TDRD3: variants seen among roughly 807,000 people sequenced by gnomAD.
TDRD3 encodes tudor domain containing 3.
Under a neutral mutation model 86.7 loss-of-function variants are expected in TDRD3, and 45 were observed. The ratio of observed to expected loss-of-function variants is 0.52; its 90% confidence interval spans 0.41 to 0.67. The LOEUF is 0.67. Ranked by LOEUF, TDRD3 falls within the 30% of genes least tolerant of loss-of-function variation. The pLI, the probability that TDRD3 is intolerant of heterozygous loss-of-function variation, is 0.00. For missense variants in TDRD3, 814 were observed against 889.0 expected (o/e 0.92, Z 1.07); for synonymous variants, 298 against 301.7 (o/e 0.99, Z 0.13).
At chr13:60,530,231 G>A (rs574936615) in intron 11 of TDRD3, among the ~76,000 whole-genome samples, 13 of 152,288 alleles carry the variant, frequency 8.5e-5, no homozygotes, top group African/African-American at 3.1e-4. Flanking sequence ...GTTTCCGTCT[G>A]TAGTCTTGCT....
intron 1 of TDRD3, among the ~76,000 whole-genome samples, chr13:60,413,937 A>G (rs1342211146): frequency 6.6e-6 from 1 of 152,164 alleles, no homozygotes; most frequent in East Asian, 1.9e-4. Context: ...GGAAGAATAG[A>G]AATTTGAGAG....
intron 11 of TDRD3, among the ~76,000 whole-genome samples, chr13:60,532,563 C>A (rs1249436039): frequency 1.3e-5 from 2 of 152,056 alleles, no homozygotes; most frequent in Admixed American, 1.3e-4. Context: ...CATTAAGATA[C>A]CATAATCTTC....
At chr13:60,537,247 CAG>C (rs1957715530) in intron 12 of TDRD3, 1 of 152,128 alleles carries the variant, frequency 6.6e-6, no homozygotes, top group African/African-American at 2.4e-5. Flanking sequence ...GTTACTATAA[CAG>C]ACATCTCTGG....
In TDRD3 at chr13:60,397,318, A is replaced by C. The variant is rs1162407489; in HGVS notation, c.-47A>C. 2.8e-5 allele frequency: 27 copies of C among 959,588 alleles called. No individual in the cohort carries two copies. Among genetic ancestry groups the C allele is most frequent in the Non-Finnish European group, 3.5e-5 (24 of 692,500 alleles). The allele number at this position is 959,588 out of a possible 1,614,324, so 59.4% of individuals were successfully genotyped here. ...GGGGTCTCAAGTAGGAGGCCTCCCC[A>C]TCACCCCCACCCCAGCCCCCCACCA... On this transcript the variant is annotated 5_prime_UTR_variant, in exon 1 of 14. Transcript: ENST00000377881.
chr13:60,511,409 T>TGC lies in TDRD3; in HGVS notation c.1141+654_1141+655insGC, dbSNP rs1288537049. On this transcript the variant is annotated intron_variant, in intron 10 of 13. Coordinates refer to ENST00000377881, the MANE Select transcript of TDRD3 (RefSeq NM_001146070.2). ...TTATAACAAATATGAAATGTTCAGA[T>TGC]TTCATAAAAATTGAAGCATGTTTGC... is the stretch of plus-strand genomic sequence containing the variant. 5.3e-5 allele frequency among the ~76,000 whole-genome samples: 8 copies of TGC among 152,302 alleles called. No individual in the cohort carries two copies. The South Asian group carries it at 1.7e-3, about 32-fold the overall frequency.
chr13:60,542,250 A>C (rs1315736443), intron 12 of TDRD3, among the ~76,000 whole-genome samples: 2 of 152,190 alleles, frequency 1.3e-5, no homozygotes, highest in Non-Finnish European at 2.9e-5. Flanking sequence ...TTTCGCAAAT[A>C]TATGTAGAAG....
chr13:60,511,138 C>T (rs74078476), intron 10 of TDRD3, among the ~76,000 whole-genome samples: 2 of 152,048 alleles, frequency 1.3e-5, no homozygotes, highest in Non-Finnish European at 2.9e-5. Flanking sequence ...AATGTTCACA[C>T]AATGAGTGAA....
At chr13:60,444,591 A>C (rs1039140822) in intron 2 of TDRD3, 92 bp from the exon 3 acceptor site, 2 of 760,794 alleles carry the variant, frequency 2.6e-6, no homozygotes, top group Non-Finnish European at 4.1e-6. Context: ...TTGTTTCACA[A>C]ACCATAAGTA....
intron 8 of TDRD3, among the ~76,000 whole-genome samples, chr13:60,499,827 G>A (rs527993364): frequency 2.0e-5 from 3 of 152,210 alleles, no homozygotes; most frequent in Non-Finnish European, 4.4e-5. Context: ...GGATTTTGGA[G>A]GCAACACATT....
At chr13:60,572,691 G>A (rs922453090) in intron 13 of TDRD3, among the ~76,000 whole-genome samples, 4 of 152,166 alleles carry the variant, frequency 2.6e-5, no homozygotes, top group Non-Finnish European at 1.5e-5. Flanking sequence ...CCAGTTTCAC[G>A]TGTTAGTCAG....
intron 8 of TDRD3, among the ~76,000 whole-genome samples, chr13:60,509,012 TGA>T (rs1436304218): frequency 6.6e-6 from 1 of 152,194 alleles, no homozygotes; most frequent in Non-Finnish European, 1.5e-5. Flanking sequence ...CTCAAAGGTC[TGA>T]GAGAAACCAT....
intron 11 of TDRD3, among the ~76,000 whole-genome samples, chr13:60,533,268 A>C (rs1477151077): frequency 2.0e-5 from 3 of 152,194 alleles, no homozygotes; most frequent in Non-Finnish European, 1.5e-5. Flanking sequence ...TTTGAGGGTA[A>C]CTCATTTTTT....
At chr13:60,447,758 A>G (rs1275997432) in intron 3 of TDRD3, among the ~76,000 whole-genome samples, 1 of 152,154 alleles carries the variant, frequency 6.6e-6, no homozygotes, top group Non-Finnish European at 1.5e-5. Context: ...CCCATCTGAT[A>G]TTACCATTTC....
chr13:60,524,430 C>G (rs1170093774), intron 10 of TDRD3, among the ~76,000 whole-genome samples: 1 of 151,534 alleles, frequency 6.6e-6, no homozygotes, highest in Non-Finnish European at 1.5e-5. Context: ...TCACTTGAAC[C>G]CGGGAGGCGG....
At position 60,442,933 on chromosome 13, in the gene TDRD3, T is replaced by G. The variant is rs115672053; in HGVS notation, c.127-1750T>G. 9.4e-3 allele frequency among the ~76,000 whole-genome samples: 1,428 copies of G among 152,190 alleles called. 20 individuals are homozygous for G. The highest frequency in any genetic ancestry group is 0.032 in the African/African-American group (1,331 of 41,570). On this transcript the variant is annotated intron_variant, in intron 2 of 13. Coordinates refer to ENST00000377881, the MANE Select transcript of TDRD3 (RefSeq NM_001146070.2). ...GGCTCATTTTCACTTGAATTAAATT[T>G]CATAATTATTGATGAAAACCAGAAA...
intron 7 of TDRD3, among the ~76,000 whole-genome samples, chr13:60,492,577 C>G (rs1384986108): frequency 6.6e-6 from 1 of 152,188 alleles, no homozygotes; most frequent in African/African-American, 2.4e-5. Flanking sequence ...AGCCTATGTG[C>G]TTAACTGTGC....
At chr13:60,459,809 CG>C (rs1394707735) in intron 3 of TDRD3, among the ~76,000 whole-genome samples, 3 of 152,000 alleles carry the variant, frequency 2.0e-5, no homozygotes, top group African/African-American at 7.3e-5. Flanking sequence ...TTAGTAGAGA[CG>C]GGGATTCACC....
chr13:60,569,877 A>C (rs757816938), intron 13 of TDRD3, among the ~76,000 whole-genome samples: 26 of 152,324 alleles, frequency 1.7e-4, no homozygotes, highest in Non-Finnish European at 3.1e-4. Flanking sequence ...TATATGGATG[A>C]ATGAAACTAG....
At chr13:60,506,150 C>T (rs1444981315) in intron 8 of TDRD3, among the ~76,000 whole-genome samples, 6 of 152,136 alleles carry the variant, frequency 3.9e-5, no homozygotes, top group Non-Finnish European at 8.8e-5. Context: ...AGGTTACCCT[C>T]AAAGGGAAAC....
Sources: gnomAD v4.1 joint callset for allele counts (sites outside exome capture counted in the v4.1 genomes callset) on GRCh38, gnomAD v4.1.1 for gene constraint, MANE v1.5 for transcripts, NCBI Gene and HGNC (gene_info 2026-07-23, HGNC 2026-07-21) for gene names.